The following KDM4C variants were observed in gnomAD, a reference collection of about 807,000 sequenced individuals.
KDM4C encodes the protein lysine demethylase 4C.
In KDM4C, 81 loss-of-function variants were observed where a neutral mutation model predicts 129.3. That is an observed-to-expected ratio of 0.63 (90% CI 0.52 to 0.75). KDM4C has a LOEUF of 0.75. KDM4C is among the 30% of genes least tolerant of loss of function. The pLI is 0.00. For missense variants in KDM4C, 1,457 were observed against 1,304.0 expected (o/e 1.12, Z -1.81); for synonymous variants, 573 against 456.1 (o/e 1.26, Z -3.26).
At chr9:6,790,496 C>T (rs1242738130) in intron 1 of KDM4C, among the ~76,000 whole-genome samples, 5 of 150,994 alleles carry the variant, frequency 3.3e-5, no homozygotes, top group Non-Finnish European at 5.9e-5. Context: ...TCAACTGATC[C>T]GCCCGCCTCG....
chr9:6,845,967 G>C (rs1837786413), intron 4 of KDM4C, among the ~76,000 whole-genome samples: 2 of 152,354 alleles, frequency 1.3e-5, no homozygotes, highest in South Asian at 4.1e-4. Context: ...TGGGGCTTGT[G>C]TGTAGCTGGG....
intron 8 of KDM4C, among the ~76,000 whole-genome samples, chr9:6,927,089 T>TTCTTTCTATCTA (rs147161681): frequency 0.034 from 4,952 of 145,172 alleles, 107 homozygotes; most frequent in Middle Eastern, 0.073. Flanking sequence ...AAAAAAAATT[T>TTCTTTCTATCTA]TCTATCTATC....
intron 2 of KDM4C, among the ~76,000 whole-genome samples, chr9:6,802,854 A>ACCCG (rs1162759675): frequency 6.6e-6 from 1 of 152,206 alleles, no homozygotes; most frequent in Non-Finnish European, 1.5e-5. Flanking sequence ...TGGTCTGTCC[A>ACCCG]CCTTGGCCTC....
intron 8 of KDM4C, among the ~76,000 whole-genome samples, chr9:6,915,703 T>C (rs189047572): frequency 1.2e-3 from 177 of 152,282 alleles, no homozygotes; most frequent in Admixed American, 3.4e-3. Context: ...CCTTGGACCT[T>C]ATTGGAGCCT....
At chr9:6,804,208 T>C (rs773228064) in intron 2 of KDM4C, among the ~76,000 whole-genome samples, 2 of 152,360 alleles carry the variant, frequency 1.3e-5, no homozygotes, top group South Asian at 4.1e-4. Flanking sequence ...ATTAAGTACT[T>C]AAATACTGCA....
intron 5 of KDM4C, among the ~76,000 whole-genome samples, chr9:6,857,543 G>A (rs1353249141): frequency 1.3e-5 from 2 of 152,052 alleles, no homozygotes; most frequent in African/African-American, 2.4e-5. Context: ...TTCCCTAAAG[G>A]AACCATCCAG....
chr9:6,876,818 T>C (rs115184345), intron 5 of KDM4C, among the ~76,000 whole-genome samples: 1,679 of 152,262 alleles, frequency 0.011, 30 homozygotes, highest in African/African-American at 0.038. Flanking sequence ...GAAAGTGCTA[T>C]GTGAAGCTTT....
At chr9:7,149,208 G>A (rs1471500816) in intron 19 of KDM4C, among the ~76,000 whole-genome samples, 3 of 152,270 alleles carry the variant, frequency 2.0e-5, no homozygotes, top group Admixed American at 6.5e-5. Context: ...GAGACAGTCT[G>A]GGGTCTGGTG....
chr9:6,740,977 A>T (rs1391464237), intron 1 of KDM4C, among the ~76,000 whole-genome samples: 1 of 150,188 alleles, frequency 6.7e-6, no homozygotes, highest in African/African-American at 2.5e-5. Context: ...GACGCATGCC[A>T]CCATGCCTGG....
chr9:6,910,584 C>T (rs894992606), intron 8 of KDM4C, among the ~76,000 whole-genome samples: 2 of 152,168 alleles, frequency 1.3e-5, no homozygotes, highest in African/African-American at 4.8e-5. Context: ...TCTCACCTCT[C>T]AGATTGGTGC....
intron 15 of KDM4C, among the ~76,000 whole-genome samples, chr9:7,030,784 A>G (rs982133407): frequency 1.3e-5 from 2 of 152,228 alleles, no homozygotes; most frequent in African/African-American, 4.8e-5. Context: ...ATATAGTACA[A>G]CAAAAAAAGC....
intron 8 of KDM4C, among the ~76,000 whole-genome samples, chr9:6,962,822 C>T (rs555273592): frequency 2.0e-5 from 3 of 151,974 alleles, no homozygotes; most frequent in Non-Finnish European, 4.4e-5. Flanking sequence ...TGTAATTACT[C>T]AATTACTAAA....
intron 21 of KDM4C, among the ~76,000 whole-genome samples, chr9:7,173,152 C>T (rs1845128831): frequency 6.6e-6 from 1 of 152,248 alleles, no homozygotes; most frequent in Non-Finnish European, 1.5e-5. Context: ...AACTTACTTG[C>T]CCCTTACCTC....
rs567265374 is a variant in KDM4C at position 6,722,733 on chromosome 9, G to A, written c.49+1736G>A. ...TCTCCATGTTGGTCAGGCTGGTCTC[G>A]AACTCTCAACCTCAGGTGATCCGCC... On this transcript the variant is annotated intron_variant, in intron 1 of 17. Coordinates refer to the KDM4C transcript ENST00000536108. Among the ~76,000 whole-genome samples, 6 of 151,962 alleles carry A rather than the reference G, an allele frequency of 3.9e-5. No individual in the cohort carries two copies. The East Asian group carries it at 7.8e-4, about 20-fold the overall frequency.
chr9:6,934,205 G>A (rs1824286947), intron 8 of KDM4C, among the ~76,000 whole-genome samples: 1 of 151,866 alleles, frequency 6.6e-6, no homozygotes, highest in Admixed American at 6.6e-5. Flanking sequence ...GTTGGGGCTG[G>A]GCGCGGGGTC....
At position 6,731,323 on chromosome 9, in the gene KDM4C, T is replaced by G. The variant is rs549521098; in HGVS notation, c.49+10326T>G. Among the ~76,000 whole-genome samples, 3 of 122,242 alleles carry G rather than the reference T, an allele frequency of 2.5e-5. No individual in the cohort carries two copies. In the South Asian group the frequency reaches 7.9e-4, roughly 32 times the overall value. 80.2% of individuals were successfully genotyped at this position (122,242 alleles called of 152,430 possible). A position where few individuals can be genotyped will look rare whatever the true frequency, so the allele number is the denominator to read the frequency against. On this transcript the variant is annotated intron_variant, in intron 1 of 17. Transcript: ENST00000536108. ...AACAGAAGCAACTACATTTTTTTTT[T>G]GCTTTTTTTTTTTTTTTTTTGAGAC...
intron 8 of KDM4C, among the ~76,000 whole-genome samples, chr9:6,921,143 G>A (rs1034370890): frequency 1.3e-5 from 2 of 151,882 alleles, no homozygotes; most frequent in Admixed American, 1.3e-4. Context: ...GAGCTTTAGG[G>A]CTTAGTCCTC....
intron 8 of KDM4C, among the ~76,000 whole-genome samples, chr9:6,958,536 G>A (rs535573761): frequency 6.6e-5 from 10 of 151,700 alleles, no homozygotes; most frequent in Admixed American, 1.3e-4. Context: ...GTGGTGAGCC[G>A]AGATCGCGCC....
chr9:7,020,632 C>T (rs1824631918), intron 15 of KDM4C, among the ~76,000 whole-genome samples: 1 of 152,110 alleles, frequency 6.6e-6, no homozygotes, highest in African/African-American at 2.4e-5. Context: ...TATGTTGACT[C>T]TTCATGTACA....
Sources: gnomAD v4.1 joint callset for allele counts (sites outside exome capture counted in the v4.1 genomes callset) on GRCh38, gnomAD v4.1.1 for gene constraint, MANE v1.5 for transcripts, NCBI Gene and HGNC (gene_info 2026-07-23, HGNC 2026-07-21) for gene names.